WNT7A: variants seen among roughly 807,000 people sequenced by gnomAD.
WNT7A encodes the protein protein Wnt-7a.
WNT7A carries 16 observed loss-of-function variants against 28.2 expected under a neutral mutation model. The observed-to-expected ratio is 0.57, with a 90% confidence interval of 0.38 to 0.86. WNT7A has a LOEUF of 0.86. Ranked by LOEUF, WNT7A falls within the 40% of genes least tolerant of loss-of-function variation. The pLI is 0.00. For synonymous variants in WNT7A, 190 were observed against 195.9 expected (o/e 0.97, Z 0.25); for missense variants, 411 against 489.7 (o/e 0.84, Z 1.52).
chr3:13,836,191 G>T (rs2124840709), intron 3 of WNT7A, among the ~76,000 whole-genome samples: 1 of 139,452 alleles, frequency 7.2e-6, no homozygotes, highest in East Asian at 2.1e-4. Flanking sequence ...TCTCAGTAAA[G>T]CTGGTTTTTA....
At chr3:13,865,986 T>C (rs67138915) in intron 2 of WNT7A, among the ~76,000 whole-genome samples, 28,438 of 152,226 alleles carry the variant, frequency 0.19, 2,900 homozygotes, top group African/African-American at 0.24. Flanking sequence ...GGGTGCTGTC[T>C]TGGACAGGAT....
intron 3 of WNT7A, among the ~76,000 whole-genome samples, chr3:13,852,063 T>G (rs1694647834): frequency 6.6e-6 from 1 of 152,206 alleles, no homozygotes; most frequent in African/African-American, 2.4e-5. Flanking sequence ...CCTGCTGGGC[T>G]TAGACTCAAA....
At chr3:13,839,076 C>T (rs1694416556) in intron 3 of WNT7A, among the ~76,000 whole-genome samples, 2 of 152,138 alleles carry the variant, frequency 1.3e-5, no homozygotes, top group South Asian at 2.1e-4. Flanking sequence ...TTTAATGTCA[C>T]CTCTTACCTT....
At chr3:13,832,700 T>C (rs1462222346) in intron 3 of WNT7A, among the ~76,000 whole-genome samples, 1 of 152,146 alleles carries the variant, frequency 6.6e-6, no homozygotes, top group Non-Finnish European at 1.5e-5. Flanking sequence ...TTTTGGTGCA[T>C]TCTTTAAGTC....
chr3:13,823,936 A>G (rs1694148639), intron 3 of WNT7A, among the ~76,000 whole-genome samples: 1 of 152,134 alleles, frequency 6.6e-6, no homozygotes, highest in Non-Finnish European at 1.5e-5. Flanking sequence ...CTCTCTATAC[A>G]GCCCCCGGAT....
chr3:13,820,926 T>G (rs1427160823), intron 3 of WNT7A, among the ~76,000 whole-genome samples: 1 of 152,184 alleles, frequency 6.6e-6, no homozygotes, highest in Non-Finnish European at 1.5e-5. Context: ...CCAGAACACC[T>G]GGCATCACAG....
chr3:13,853,012 G>T (rs1694664542), intron 3 of WNT7A, among the ~76,000 whole-genome samples: 1 of 152,060 alleles, frequency 6.6e-6, no homozygotes. Flanking sequence ...AAAACATCAG[G>T]TCAGGCCTGG....
intron 3 of WNT7A, among the ~76,000 whole-genome samples, chr3:13,852,890 T>C (rs1407113355): frequency 1.3e-5 from 2 of 152,162 alleles, no homozygotes; most frequent in African/African-American, 4.8e-5. Context: ...TAGAAGTGCT[T>C]TTCTAGAAAG....
intron 3 of WNT7A, among the ~76,000 whole-genome samples, chr3:13,842,899 G>C (rs530873109): frequency 1.3e-4 from 20 of 152,308 alleles, no homozygotes; most frequent in Admixed American, 3.9e-4. Flanking sequence ...TAAAGGTCCT[G>C]GAATGTGGTG....
Position 13,833,860 on chromosome 3 carries a change from A to G in WNT7A, c.571-14437T>C, listed in dbSNP as rs141093739. On this transcript the variant is annotated intron_variant, in intron 3 of 3. Transcript: ENST00000285018. ...CATACATTCACTTATTCATTCATCC[A>G]CTCATTCACCTTTCCACCACACGCT... Among the ~76,000 whole-genome samples the G allele has an allele frequency of 5.5e-3, 834 of 152,118 alleles. 9 individuals are homozygous for G. The highest frequency in any genetic ancestry group is 0.018 in the African/African-American group (742 of 41,500).
chr3:13,819,499 C>CT (rs1694077771), intron 3 of WNT7A, 76 bp from the exon 4 acceptor site: 10 of 1,498,400 alleles, frequency 6.7e-6, no homozygotes, highest in Non-Finnish European at 8.9e-6. Context: ...AGCTCCCCCC[C>CT]GCCCCCCACC....
At position 13,863,376 on chromosome 3, in the gene WNT7A, A is replaced by G. The variant is rs76419737; in HGVS notation, c.299-8573T>C. ...GAAGCCTCAACAGTTGAATGAATGA[A>G]TGAATGTGCATGTGAAAGCAAGTGT... On this transcript the variant is annotated intron_variant, in intron 2 of 3. Coordinates refer to ENST00000285018, the MANE Select transcript of WNT7A (RefSeq NM_004625.4). Among the ~76,000 whole-genome samples, 904 of 151,792 alleles carry G rather than the reference A, an allele frequency of 6.0e-3. 21 individuals are homozygous for G. The highest frequency in any genetic ancestry group is 0.051 in the East Asian group (263 of 5,130).
intron 2 of WNT7A, among the ~76,000 whole-genome samples, chr3:13,859,631 C>G (rs944836436): frequency 6.6e-6 from 1 of 152,174 alleles, no homozygotes; most frequent in African/African-American, 2.4e-5. Context: ...CTGTCCCTCT[C>G]GGATATAATT....
At chr3:13,868,896 GAGGAAGGAAGGAAAGA>G (rs559267806) in intron 2 of WNT7A, among the ~76,000 whole-genome samples, 36 of 147,028 alleles carry the variant, frequency 2.4e-4, no homozygotes, top group African/African-American at 7.1e-4. Flanking sequence ...AGGAGGGAGG[GAGGAAGGAAGGAAAGA>G]AGGAAGGAAG....
rs781680680 is a variant in WNT7A, at chr3:13,879,731, G to T, written c.71+15C>A. 1.9e-6 allele frequency: 3 copies of T among 1,610,384 alleles called. No homozygotes were observed. The highest frequency in any genetic ancestry group is 1.7e-5 in the Admixed American group (1 of 59,834). On this transcript the variant is annotated intron_variant, in intron 1 of 3. Transcript: ENST00000285018. Reference sequence around the variant, plus strand: ...TTGTCGAAACACGCGCGGAAAGGGCGCAGGCAGCCCTTACCCGATCCGGAG... The same window carrying T: ...TTGTCGAAACACGCGCGGAAAGGGCTCAGGCAGCCCTTACCCGATCCGGAG...
At chr3:13,835,399 C>G (rs553450690) in intron 3 of WNT7A, among the ~76,000 whole-genome samples, 12 of 152,338 alleles carry the variant, frequency 7.9e-5, no homozygotes, top group Admixed American at 3.3e-4. Context: ...TGGCCAGCTC[C>G]GAGGGCAAAA....
intron 3 of WNT7A, among the ~76,000 whole-genome samples, chr3:13,844,357 A>G (rs943879678): frequency 1.3e-5 from 2 of 152,200 alleles, no homozygotes; most frequent in East Asian, 3.9e-4. Context: ...AGGCCTTGAG[A>G]GGGGCACACA....
chr3:13,856,369 G>A (rs1258954240), intron 2 of WNT7A, among the ~76,000 whole-genome samples: 1 of 152,256 alleles, frequency 6.6e-6, no homozygotes, highest in Admixed American at 6.5e-5. Context: ...GAAATGCATA[G>A]CCAGTGCCTG....
At chr3:13,830,779 C>A (rs939281905) in intron 3 of WNT7A, among the ~76,000 whole-genome samples, 1 of 152,322 alleles carries the variant, frequency 6.6e-6, no homozygotes. Context: ...CCCAATGTTG[C>A]CAGCCCTAAG....
Sources: gnomAD v4.1 joint callset for allele counts (sites outside exome capture counted in the v4.1 genomes callset) on GRCh38, gnomAD v4.1.1 for gene constraint, MANE v1.5 for transcripts, NCBI Gene and HGNC (gene_info 2026-07-23, HGNC 2026-07-21) for gene names.